Variants in AP3D1 observed in about 807,000 individuals in gnomAD.
AP3D1 encodes the protein AP-3 complex subunit delta-1.
In AP3D1, 51 loss-of-function variants were observed where a neutral mutation model predicts 147.6. The ratio of observed to expected loss-of-function variants is 0.35; its 90% CI spans 0.28 to 0.44. The LOEUF (loss-of-function observed/expected upper bound fraction) is 0.44. Ranked by LOEUF, AP3D1 falls within the 20% of genes least tolerant of loss-of-function variation. AP3D1 has a pLI of 1.00. For missense variants in AP3D1, 1,421 were observed against 1,624.2 expected (o/e 0.87, Z 2.15); for synonymous variants, 760 against 663.0 (o/e 1.15, Z -2.25).
At chr19:2,140,872 GC>G (rs1342998335) in intron 1 of AP3D1, among the ~76,000 whole-genome samples, 1 of 150,724 alleles carries the variant, frequency 6.6e-6, no homozygotes, top group Non-Finnish European at 1.5e-5. Flanking sequence ...GATTCTCCTG[GC>G]TCAGCCTCCT....
intron 24 of AP3D1, chr19:2,112,165 TC>T (rs35874801): frequency 2.7e-6 from 1 of 370,508 alleles, no homozygotes; most frequent in Non-Finnish European, 5.1e-6. Context: ...AACACACACA[TC>T]CACGCGCACT....
At chr19:2,115,473 A>G in intron 19 of AP3D1, 55 bp from the exon 20 acceptor site, 2 of 1,607,980 alleles carry the variant, frequency 1.2e-6, no homozygotes, top group Non-Finnish European at 1.7e-6. Flanking sequence ...GCTCACGGGG[A>G]GGGCGGCGGG....
chr19:2,108,186 C>G (rs2018164437), intron 31 of AP3D1, among the ~76,000 whole-genome samples: 2 of 152,180 alleles, frequency 1.3e-5, no homozygotes, highest in Non-Finnish European at 1.5e-5. Context: ...AAGAAGCCAC[C>G]AGAAAAGAAA....
chr19:2,120,699 G>T (rs368698077), intron 14 of AP3D1, among the ~76,000 whole-genome samples, 163 bp downstream of exon 14: 1 of 152,188 alleles, frequency 6.6e-6, no homozygotes, highest in Non-Finnish European at 1.5e-5. Context: ...GAATGGGCCC[G>T]ACCATTGTCA....
intron 3 of AP3D1, among the ~76,000 whole-genome samples, 189 bp downstream of exon 3, chr19:2,137,538 A>C (rs2019109309): frequency 6.6e-6 from 1 of 151,668 alleles, no homozygotes; most frequent in South Asian, 2.1e-4. Context: ...CTGGTCTCCA[A>C]CTCCCAACCT....
chr19:2,135,024 C>A (rs538176336), intron 4 of AP3D1, among the ~76,000 whole-genome samples: 1 of 151,954 alleles, frequency 6.6e-6, no homozygotes, highest in Non-Finnish European at 1.5e-5. Context: ...CATGGTGAAA[C>A]CCTGTCTCTA....
intron 1 of AP3D1, among the ~76,000 whole-genome samples, chr19:2,163,932 C>T (rs1267886728): frequency 6.7e-6 from 1 of 149,658 alleles, no homozygotes; most frequent in Non-Finnish European, 1.5e-5. Context: ...GCCCCCGGCT[C>T]ATTGTGCTCG....
rs1329367917 is a variant in AP3D1, at chr19:2,114,912, C to T, written c.2350-91G>A. The T allele has an allele frequency of 2.3e-5, 31 of 1,370,558 alleles. No individual in the cohort carries two copies. In the Middle Eastern group the frequency reaches 5.7e-4, roughly 25 times the overall value. The allele number at this position is 1,370,558 out of a possible 1,614,324, so 84.9% of individuals were successfully genotyped here. A position where few individuals can be genotyped will look rare whatever the true frequency, so the allele number is the denominator to read the frequency against. On this transcript the variant is annotated intron_variant, in intron 20 of 31. Coordinates refer to ENST00000643116, the MANE Select transcript of AP3D1 (RefSeq NM_001261826.3). ...CTGGGACGCAGTGGGACTGCCCATGCGGGCCACACGCACAGGTGGGCAGTG... is the reference window on the plus strand; with the variant it reads ...CTGGGACGCAGTGGGACTGCCCATGTGGGCCACACGCACAGGTGGGCAGTG...
chr19:2,115,497 C>G (rs774513451), intron 19 of AP3D1, 41 bp downstream of exon 19: 1 of 1,611,096 alleles, frequency 6.2e-7, no homozygotes, highest in Non-Finnish European at 8.5e-7. Flanking sequence ...ACCCCACAGC[C>G]CATGTGACAA....
At chr19:2,104,205 C>T (rs1015853169) in intron 31 of AP3D1, among the ~76,000 whole-genome samples, 2 of 149,732 alleles carry the variant, frequency 1.3e-5, no homozygotes, top group Non-Finnish European at 3.0e-5. Flanking sequence ...CACCGAGACA[C>T]CAACACTGAG....
intron 16 of AP3D1, 92 bp downstream of exon 16, chr19:2,117,130 G>T: frequency 6.9e-7 from 1 of 1,459,002 alleles, no homozygotes; most frequent in Non-Finnish European, 9.1e-7. Flanking sequence ...CCTCCTGGCT[G>T]TTCAGGGGTG....
At chr19:2,151,179 G>A in intron 1 of AP3D1, 60 bp downstream of exon 1, 3 of 1,517,074 alleles carry the variant, frequency 2.0e-6, no homozygotes, top group Non-Finnish European at 2.7e-6. Context: ...AGTGAGCAGG[G>A]CTGGGCCCTG....
chr19:2,116,994 AG>A, intron 16 of AP3D1: 1 of 790,260 alleles, frequency 1.3e-6, no homozygotes, highest in Non-Finnish European at 1.9e-6. Context: ...CTTTATGGCA[AG>A]GGTGGGAGCA....
intron 15 of AP3D1, 85 bp from the exon 16 acceptor site, chr19:2,117,452 G>A: frequency 1.4e-6 from 2 of 1,422,496 alleles, no homozygotes; most frequent in South Asian, 1.5e-5. Context: ...CTCAGCCCCT[G>A]GCACAGTGAC....
At chr19:2,148,753 T>C (rs1409107414) in intron 1 of AP3D1, among the ~76,000 whole-genome samples, 2 of 152,228 alleles carry the variant, frequency 1.3e-5, no homozygotes, top group South Asian at 2.1e-4. Context: ...CCTCATGCGA[T>C]TTCTACTCCA....
At chr19:2,127,938 G>A (rs1188024265) in intron 8 of AP3D1, among the ~76,000 whole-genome samples, 10 of 152,346 alleles carry the variant, frequency 6.6e-5, no homozygotes, top group African/African-American at 2.4e-4. Flanking sequence ...GAATGGCCAC[G>A]CGCCATAGCC....
chr19:2,119,092 G>A (rs1335342845), intron 14 of AP3D1, among the ~76,000 whole-genome samples: 2 of 152,214 alleles, frequency 1.3e-5, no homozygotes, highest in Non-Finnish European at 2.9e-5. Flanking sequence ...AAAGGACAAC[G>A]GGGTCAACTG....
chr19:2,127,233 G>A (rs759756710), intron 8 of AP3D1, 32 bp from the exon 9 acceptor site: 2 of 1,610,736 alleles, frequency 1.2e-6, no homozygotes, highest in Non-Finnish European at 8.5e-7. Context: ...AGCGGCATGA[G>A]GACTGGGGGC....
chr19:2,150,524 C>G (rs1347547593), intron 1 of AP3D1, among the ~76,000 whole-genome samples: 1 of 152,190 alleles, frequency 6.6e-6, no homozygotes, highest in Non-Finnish European at 1.5e-5. Context: ...CTTCCCCATT[C>G]CAGCTTCCCG....
Sources: gnomAD v4.1 joint callset for allele counts (sites outside exome capture counted in the v4.1 genomes callset) on GRCh38, gnomAD v4.1.1 for gene constraint, MANE v1.5 for transcripts, NCBI Gene and HGNC (gene_info 2026-07-23, HGNC 2026-07-21) for gene names.